AFG1L: variants seen among roughly 807,000 people sequenced by gnomAD.
AFG1L encodes the protein AFG1 like ATPase, also known as AFG1-like ATPase.
In AFG1L, 53 loss-of-function variants were observed where a neutral mutation model predicts 62.2. The ratio of observed to expected loss-of-function variants is 0.85; its 90% CI spans 0.68 to 1.07. AFG1L has a LOEUF of 1.07. Ranked by LOEUF, AFG1L falls within the 50% of genes least tolerant of loss-of-function variation. AFG1L has a pLI of 0.00. For missense variants in AFG1L, 555 were observed against 590.5 expected (o/e 0.94, Z 0.62); for synonymous variants, 228 against 210.3 (o/e 1.08, Z -0.73).
intron 1 of AFG1L, among the ~76,000 whole-genome samples, chr6:108,303,373 C>T (rs907638847): frequency 1.2e-4 from 18 of 152,116 alleles, no homozygotes; most frequent in Non-Finnish European, 1.9e-4. Flanking sequence ...CTCAAGTGAT[C>T]CTCCAACCCC....
At position 108,446,051 on chromosome 6, in the gene AFG1L, T is replaced by TACACACAC. The variant is rs67384163; in HGVS notation, c.808-1118_808-1111dup. ...AGTATGCCTCTCATCTATGTAGAGA[T>TACACACAC]ACACACACACACACACACACACACA... is the stretch of plus-strand genomic sequence containing the variant. On this transcript the variant is annotated intron_variant, in intron 7 of 12. Transcript: ENST00000368977. Among the ~76,000 whole-genome samples the TACACACAC allele has an allele frequency of 2.3e-3, 328 of 141,882 alleles. 2 individuals are homozygous for TACACACAC. Among genetic ancestry groups the TACACACAC allele is most frequent in the African/African-American group, 7.2e-3 (272 of 37,662 alleles). The allele number at this position is 141,882 out of a possible 152,430, so 93.1% of individuals were successfully genotyped here. A position where few individuals can be genotyped will look rare whatever the true frequency, so the allele number is the denominator to read the frequency against.
chr6:108,446,051 TACACACACAC>T (rs67384163), intron 7 of AFG1L, among the ~76,000 whole-genome samples: 11,238 of 141,658 alleles, frequency 0.079, 514 homozygotes, highest in African/African-American at 0.13. Flanking sequence ...TATGTAGAGA[TACACACACAC>T]ACACACACAC....
At position 108,400,359 on chromosome 6, in the gene AFG1L, G is replaced by A. The variant is rs549806736; in HGVS notation, c.749-1637G>A. Among the ~76,000 whole-genome samples the A allele has an allele frequency of 2.3e-4, 35 of 151,424 alleles. 1 individual carries two copies. In the South Asian group the frequency reaches 6.4e-3, roughly 28 times the overall value. ...TATAGTTTTTATTATGTTGAGGTCC[G>A]TTATTTCTATACCTAGTTTTCTGAG... On this transcript the variant is annotated intron_variant, in intron 6 of 12. Coordinates refer to ENST00000368977, the MANE Select transcript of AFG1L (RefSeq NM_145315.5).
chr6:108,298,607 A>C (rs1776859086), intron 1 of AFG1L, among the ~76,000 whole-genome samples: 1 of 152,100 alleles, frequency 6.6e-6, no homozygotes. Flanking sequence ...TGAGCTGTAC[A>C]TGGCCCTTAT....
chr6:108,511,322 T>C (rs2114900412), intron 11 of AFG1L, among the ~76,000 whole-genome samples: 1 of 152,310 alleles, frequency 6.6e-6, no homozygotes, highest in Non-Finnish European at 1.5e-5. Flanking sequence ...TTGTTGTTTG[T>C]TTGTTTTTAA....
chr6:108,352,494 C>G (rs1024355128), intron 3 of AFG1L, among the ~76,000 whole-genome samples: 1 of 152,144 alleles, frequency 6.6e-6, no homozygotes, highest in Non-Finnish European at 1.5e-5. Flanking sequence ...CTCTAGATTA[C>G]TTATAACAAT....
chr6:108,357,953 A>G (rs1398138842), intron 5 of AFG1L, among the ~76,000 whole-genome samples: 1 of 152,212 alleles, frequency 6.6e-6, no homozygotes, highest in Middle Eastern at 3.2e-3. Context: ...CATCTGGGGA[A>G]GAGGGATCTT....
At chr6:108,494,777 T>C (rs1457641137) in intron 10 of AFG1L, among the ~76,000 whole-genome samples, 2 of 148,576 alleles carry the variant, frequency 1.3e-5, no homozygotes, top group Non-Finnish European at 3.0e-5. Context: ...TTTCTTTTCT[T>C]TTTTTTTTTT....
intron 1 of AFG1L, among the ~76,000 whole-genome samples, chr6:108,305,454 C>A (rs901325362): frequency 6.6e-6 from 1 of 152,194 alleles, no homozygotes; most frequent in Non-Finnish European, 1.5e-5. Context: ...GGTATGATCA[C>A]GGCTCACTGC....
intron 10 of AFG1L, among the ~76,000 whole-genome samples, chr6:108,506,862 A>G (rs138657679): frequency 1.3e-5 from 2 of 152,340 alleles, no homozygotes; most frequent in East Asian, 3.8e-4. Flanking sequence ...TGGGGAGCCA[A>G]CTGAATTGTT....
chr6:108,362,849 G>A (rs531112628), intron 5 of AFG1L, among the ~76,000 whole-genome samples: 1 of 152,204 alleles, frequency 6.6e-6, no homozygotes, highest in African/African-American at 2.4e-5. Context: ...TTTTAGTGAT[G>A]GAACCTAAAA....
intron 10 of AFG1L, among the ~76,000 whole-genome samples, chr6:108,502,840 C>T (rs1477720402): frequency 6.6e-6 from 1 of 152,200 alleles, no homozygotes; most frequent in Non-Finnish European, 1.5e-5. Flanking sequence ...GGAGTCAGTC[C>T]TCTCAACCCC....
At chr6:108,348,225 T>C (rs1405887160) in intron 3 of AFG1L, among the ~76,000 whole-genome samples, 1 of 152,078 alleles carries the variant, frequency 6.6e-6, no homozygotes, top group African/African-American at 2.4e-5. Flanking sequence ...ACGACAGGTG[T>C]CTGCCACCAT....
At chr6:108,443,621 T>C (rs1478198906) in intron 7 of AFG1L, among the ~76,000 whole-genome samples, 1 of 152,140 alleles carries the variant, frequency 6.6e-6, no homozygotes, top group East Asian at 1.9e-4. Context: ...ATGCCTGCAA[T>C]CCCAGCACTT....
intron 1 of AFG1L, among the ~76,000 whole-genome samples, chr6:108,305,120 G>A (rs1465631273): frequency 2.0e-5 from 3 of 152,196 alleles, no homozygotes; most frequent in Non-Finnish European, 2.9e-5. Context: ...GCCAGAGGTG[G>A]TGGATTCTAG....
At chr6:108,477,397 C>T (rs1773154401) in intron 10 of AFG1L, 105 bp downstream of exon 10, 1 of 595,748 alleles carries the variant, frequency 1.7e-6, no homozygotes, top group African/African-American at 1.9e-5. Flanking sequence ...TTCACAGAGT[C>T]AGAATCGATT....
At chr6:108,295,358 C>A (rs1381716967) in intron 1 of AFG1L, 140 bp downstream of exon 1, 2 of 930,598 alleles carry the variant, frequency 2.1e-6, no homozygotes, top group African/African-American at 3.3e-5. Flanking sequence ...GTTTCCATTT[C>A]TCTTGACCTT....
intron 8 of AFG1L, 56 bp from the exon 9 acceptor site, chr6:108,476,809 T>C (rs758514548): frequency 4.6e-6 from 6 of 1,298,260 alleles, no homozygotes; most frequent in Non-Finnish European, 6.7e-6. Context: ...AGGCAGCTGT[T>C]TGATGTTGGC....
chr6:108,433,696 G>A (rs374420519), intron 7 of AFG1L, among the ~76,000 whole-genome samples: 9 of 152,148 alleles, frequency 5.9e-5, no homozygotes, highest in African/African-American at 2.2e-4. Flanking sequence ...CAGTTCAAGC[G>A]ATTCTCCTGC....
Sources: gnomAD v4.1 joint callset for allele counts (sites outside exome capture counted in the v4.1 genomes callset) on GRCh38, gnomAD v4.1.1 for gene constraint, MANE v1.5 for transcripts, NCBI Gene and HGNC (gene_info 2026-07-23, HGNC 2026-07-21) for gene names.